The following MKLN1 variants were observed in gnomAD, a reference collection of about 807,000 sequenced individuals.
MKLN1 encodes the protein muskelin.
MKLN1 carries 18 observed loss-of-function variants against 99.0 expected under a neutral mutation model. The observed-to-expected ratio is 0.18, with a 90% CI of 0.13 to 0.27. The LOEUF (loss-of-function observed/expected upper bound fraction) is 0.27, where lower values mean the gene tolerates loss of function less well. Ranked by LOEUF, MKLN1 falls within the 10% of genes least tolerant of loss-of-function variation. MKLN1 has a pLI of 1.00. For missense variants in MKLN1, 621 were observed against 875.9 expected, an observed-to-expected ratio of 0.71 and a Z score of 3.67; for synonymous variants, 288 against 293.2, an observed-to-expected ratio of 0.98 and a Z score of 0.18.
intron 2 of MKLN1, among the ~76,000 whole-genome samples, chr7:131,168,894 A>T (rs1381265511): frequency 1.4e-5 from 2 of 145,688 alleles, no homozygotes; most frequent in Non-Finnish European, 3.0e-5. Flanking sequence ...TTGAGATAGC[A>T]TCTAGCTCTT....
chr7:131,331,754 G>A (rs1009278984), intron 1 of MKLN1, among the ~76,000 whole-genome samples: 6 of 152,090 alleles, frequency 3.9e-5, no homozygotes, highest in South Asian at 4.1e-4. Flanking sequence ...ACAGATAAGC[G>A]CTCTAAGGTT....
At chr7:131,377,971 CTG>C (rs1793714518) in intron 2 of MKLN1, among the ~76,000 whole-genome samples, 2 of 152,042 alleles carry the variant, frequency 1.3e-5, no homozygotes, top group South Asian at 2.1e-4. Flanking sequence ...TCAAATATAA[CTG>C]GGGTTTTCTG....
At chr7:131,280,430 T>C (rs1798033928) in intron 3 of MKLN1, among the ~76,000 whole-genome samples, 1 of 152,188 alleles carries the variant, frequency 6.6e-6, no homozygotes, top group Admixed American at 6.5e-5. Context: ...TCACAAGCAA[T>C]AGATGAGGGT....
chr7:131,135,247 C>G (rs1350356983), intron 1 of MKLN1, among the ~76,000 whole-genome samples: 1 of 152,188 alleles, frequency 6.6e-6, no homozygotes, highest in Admixed American at 6.5e-5. Flanking sequence ...CTCAGCCTCC[C>G]GAGTAGCTGG....
At chr7:131,353,903 T>TAA (rs35581656) in intron 1 of MKLN1, among the ~76,000 whole-genome samples, 1,541 of 113,642 alleles carry the variant, frequency 0.014, 23 homozygotes, top group African/African-American at 0.021. Context: ...TGTACCTTTG[T>TAA]AAAAAAAAAA....
chr7:131,271,399 A>G (rs982845639), intron 3 of MKLN1, among the ~76,000 whole-genome samples: 3 of 147,788 alleles, frequency 2.0e-5, no homozygotes, highest in Non-Finnish European at 4.5e-5. Flanking sequence ...CAGGCAGATC[A>G]TGAGGTCAGG....
chr7:131,421,442 A>G (rs1233162557), intron 8 of MKLN1, among the ~76,000 whole-genome samples: 2 of 152,172 alleles, frequency 1.3e-5, no homozygotes, highest in Admixed American at 1.3e-4. Flanking sequence ...TATAATAGGT[A>G]GGTGTTAAGT....
intron 2 of MKLN1, among the ~76,000 whole-genome samples, chr7:131,178,401 T>C (rs1796333108): frequency 6.7e-6 from 1 of 149,290 alleles, no homozygotes; most frequent in Non-Finnish European, 1.5e-5. Context: ...CCTCCCAAAG[T>C]GCTGGGATTA....
At chr7:131,388,446 G>A (rs1180917952) in intron 3 of MKLN1, among the ~76,000 whole-genome samples, 1 of 152,166 alleles carries the variant, frequency 6.6e-6, no homozygotes, top group Non-Finnish European at 1.5e-5. Context: ...AACTATAAAA[G>A]AAACATTGGC....
At chr7:131,451,184 A>G (rs1439563850) in intron 12 of MKLN1, among the ~76,000 whole-genome samples, 1 of 152,226 alleles carries the variant, frequency 6.6e-6, no homozygotes, top group Non-Finnish European at 1.5e-5. Flanking sequence ...ATATTCTTAG[A>G]AAACACCAAT....
At chr7:131,279,999 T>A (rs1248752034) in intron 3 of MKLN1, among the ~76,000 whole-genome samples, 1 of 152,112 alleles carries the variant, frequency 6.6e-6, no homozygotes, top group Non-Finnish European at 1.5e-5. Flanking sequence ...AGGCAACCAC[T>A]AATCTACTTG....
chr7:131,474,093 T>G lies in MKLN1; in HGVS notation c.2031+3149T>G, dbSNP rs903346970. Reference sequence around the variant, plus strand: ...TGAACCCGGGAGGTGGAGGTTGCAGTGAGCTGAGATTGTGCCACAGCACTC... The same window carrying G: ...TGAACCCGGGAGGTGGAGGTTGCAGGGAGCTGAGATTGTGCCACAGCACTC... On this transcript the variant is annotated intron_variant, in intron 16 of 17. Transcript: ENST00000352689. Among the ~76,000 whole-genome samples, 3 of 152,224 alleles carry G rather than the reference T, an allele frequency of 2.0e-5. No individual in the cohort carries two copies. In the East Asian group the frequency reaches 5.8e-4, roughly 29 times the overall value.
At chr7:131,270,907 A>C (rs1253561007) in intron 3 of MKLN1, among the ~76,000 whole-genome samples, 3 of 151,644 alleles carry the variant, frequency 2.0e-5, no homozygotes, top group Non-Finnish European at 1.5e-5. Flanking sequence ...TGTAAAAACC[A>C]GCTTCTTTTT....
chr7:131,341,575 G>A (rs775289756), intron 1 of MKLN1, among the ~76,000 whole-genome samples: 2 of 152,138 alleles, frequency 1.3e-5, no homozygotes, highest in Admixed American at 6.5e-5. Flanking sequence ...ATGTTTAGCC[G>A]TTTATTAGTA....
chr7:131,386,973 C>A (rs968816035), intron 2 of MKLN1, 147 bp from the exon 3 acceptor site: 4 of 607,292 alleles, frequency 6.6e-6, no homozygotes, highest in Non-Finnish European at 7.8e-6. Flanking sequence ...CTGTTATGTA[C>A]TATTCTATAG....
chr7:131,136,366 T>C (rs1388879077), intron 1 of MKLN1, among the ~76,000 whole-genome samples: 1 of 152,224 alleles, frequency 6.6e-6, no homozygotes, highest in Non-Finnish European at 1.5e-5. Context: ...ATAAAAATGT[T>C]ATATTGAAAT....
intron 2 of MKLN1, among the ~76,000 whole-genome samples, chr7:131,382,459 T>C (rs1450858029): frequency 6.6e-6 from 1 of 152,230 alleles, no homozygotes; most frequent in Non-Finnish European, 1.5e-5. Context: ...TTTGTATGCT[T>C]GTTGCCTTCT....
chr7:131,216,492 C>T (rs1407928182), intron 3 of MKLN1, among the ~76,000 whole-genome samples: 1 of 151,650 alleles, frequency 6.6e-6, no homozygotes, highest in Non-Finnish European at 1.5e-5. Context: ...TAATTTTTCT[C>T]CTTTATATTT....
At chr7:131,464,435 CT>C in intron 14 of MKLN1, 27 bp downstream of exon 14, 5 of 1,320,232 alleles carry the variant, frequency 3.8e-6, no homozygotes, top group Non-Finnish European at 5.5e-6. Flanking sequence ...GACCTGTAAA[CT>C]TTCCATGGCC....
Sources: allele counts gnomAD v4.1 joint callset (sites outside exome capture counted in the v4.1 genomes callset), GRCh38; gene constraint gnomAD v4.1.1; transcripts MANE v1.5; gene names NCBI Gene and HGNC (gene_info 2026-07-23, HGNC 2026-07-21).